The following ALMS1 variants were observed in gnomAD, a reference collection of about 807,000 sequenced individuals.
ALMS1 encodes centrosome-associated protein ALMS1.
In ALMS1, 271 loss-of-function variants were observed where a neutral mutation model predicts 352.2. The observed-to-expected ratio is 0.77, with a 90% CI of 0.70 to 0.85. The LOEUF is 0.85. ALMS1 is among the 40% of genes least tolerant of loss of function. The pLI, the probability that ALMS1 is intolerant of heterozygous loss-of-function variation, is 0.00. For missense variants in ALMS1, 5,445 were observed against 4,870.7 expected (o/e 1.12, Z -3.51); for synonymous variants, 1,865 against 1,761.2 (o/e 1.06, Z -1.48).
At chr2:73,420,381 A>C (rs1339180572) in intron 3 of ALMS1, among the ~76,000 whole-genome samples, 1 of 152,194 alleles carries the variant, frequency 6.6e-6, no homozygotes, top group African/African-American at 2.4e-5. Flanking sequence ...CCATCTGCTG[A>C]GAATGATTTT....
chr2:73,598,733 T>TA (rs1490192436), intron 16 of ALMS1, among the ~76,000 whole-genome samples: 5 of 152,246 alleles, frequency 3.3e-5, no homozygotes, highest in Non-Finnish European at 7.3e-5. Context: ...ACGATGGAGA[T>TA]ATTAACAATG....
chr2:73,563,747 T>A (rs113833313), intron 15 of ALMS1, among the ~76,000 whole-genome samples: 2,395 of 47,700 alleles, frequency 0.05, 373 homozygotes, highest in African/African-American at 0.34. Context: ...AAAATAAAAA[T>A]AAAAAATGAA....
At chr2:73,391,953 G>A (rs1670655420) in intron 1 of ALMS1, among the ~76,000 whole-genome samples, 1 of 151,706 alleles carries the variant, frequency 6.6e-6, no homozygotes, top group South Asian at 2.1e-4. Flanking sequence ...TAATTTTGGT[G>A]GTTTTCCTAG....
chr2:73,447,231 A>G (rs950243458), intron 7 of ALMS1, among the ~76,000 whole-genome samples: 1 of 152,198 alleles, frequency 6.6e-6, no homozygotes, highest in Admixed American at 6.5e-5. Context: ...TAGTGCAAAT[A>G]TAGAACATTT....
At position 73,600,558 on chromosome 2, in the gene ALMS1, A is replaced by T. The variant is rs1675654882; in HGVS notation, c.11669-120A>T. The T allele has an allele frequency of 6.4e-5, 58 of 908,948 alleles. No homozygotes were observed. In the South Asian group the frequency reaches 1.0e-3, roughly 16 times the overall value. The allele number at this position is 908,948 out of a possible 1,614,324, so 56.3% of individuals were successfully genotyped here. A position where few individuals can be genotyped will look rare whatever the true frequency, so the allele number is the denominator to read the frequency against. On this transcript the variant is annotated intron_variant, in intron 17 of 22. Transcript: ENST00000613296. Reference sequence around the variant, plus strand: ...TCTTCCTCTCTCTTCGCATCCCTCCATCCCACACAAAGGGATTGTATTTTT... The same window carrying T: ...TCTTCCTCTCTCTTCGCATCCCTCCTTCCCACACAAAGGGATTGTATTTTT...
At chr2:73,486,816 G>A (rs952092346) in intron 9 of ALMS1, among the ~76,000 whole-genome samples, 2 of 152,184 alleles carry the variant, frequency 1.3e-5, no homozygotes, top group Non-Finnish European at 2.9e-5. Context: ...TGGGGAGGCT[G>A]AGGCAGGAGG....
Position 73,510,970 on chromosome 2 carries a change from G to A in ALMS1, c.9540-8805G>A, listed in dbSNP as rs149400311. On this transcript the variant is annotated intron_variant, in intron 10 of 22. Coordinates refer to ENST00000613296, the MANE Select transcript of ALMS1 (RefSeq NM_001378454.1). ...CTTCACCCAGTTGGAAATTCCCAGCGGCTTTGTTTACACTGTGAGGGGAAA... is the reference window on the plus strand; with the variant it reads ...CTTCACCCAGTTGGAAATTCCCAGCAGCTTTGTTTACACTGTGAGGGGAAA... Among the ~76,000 whole-genome samples the A allele has an allele frequency of 1.2e-3, 184 of 152,280 alleles. No individual in the cohort carries two copies. The East Asian group carries it at 0.014, about 12-fold the overall frequency.
rs148288798 is a variant in ALMS1 at position 73,504,864 on chromosome 2, A to G, written c.9539+13366A>G. ...TCATCTACATTACGTATTTCTCCTAATGTTATCTCTCCCCTTGCTTCCTAC... is the reference window on the plus strand; with the variant it reads ...TCATCTACATTACGTATTTCTCCTAGTGTTATCTCTCCCCTTGCTTCCTAC... On this transcript the variant is annotated intron_variant, in intron 10 of 22. Transcript: ENST00000613296. 2.6e-4 allele frequency among the ~76,000 whole-genome samples: 40 copies of G among 152,110 alleles called. 1 individual carries two copies. The highest frequency in any genetic ancestry group is 9.6e-4 in the African/African-American group (40 of 41,480).
intron 16 of ALMS1, among the ~76,000 whole-genome samples, chr2:73,588,174 G>T (rs577412459): frequency 1.3e-5 from 2 of 152,288 alleles, no homozygotes; most frequent in Middle Eastern, 3.4e-3. Context: ...TGTGAAACCA[G>T]TATCACCCTA....
At chr2:73,392,060 T>G (rs1268089287) in intron 1 of ALMS1, among the ~76,000 whole-genome samples, 1 of 152,152 alleles carries the variant, frequency 6.6e-6, no homozygotes, top group Non-Finnish European at 1.5e-5. Context: ...TATTTTCACT[T>G]CTCATTCCCA....
At chr2:73,539,576 C>T (rs563276622) in intron 12 of ALMS1, among the ~76,000 whole-genome samples, 257 of 152,166 alleles carry the variant, frequency 1.7e-3, no homozygotes, top group African/African-American at 5.8e-3. Context: ...CAAACTACTC[C>T]GAGCTAAAGG....
intron 11 of ALMS1, among the ~76,000 whole-genome samples, chr2:73,532,609 A>G (rs1165496185): frequency 6.6e-6 from 1 of 151,112 alleles, no homozygotes; most frequent in African/African-American, 2.4e-5. Flanking sequence ...TAGGCCTGGA[A>G]CTCTCACTTC....
At position 73,419,290 on chromosome 2, in the gene ALMS1, C is replaced by G; in HGVS notation, c.618C>G (p.Asn206Lys). 2 of 1,614,040 alleles carry G rather than the reference C, an allele frequency of 1.2e-6. No homozygotes were observed. Among genetic ancestry groups the G allele is most frequent in the Non-Finnish European group, 1.7e-6 (2 of 1,179,942 alleles). The change falls in exon 3 of 23, where the codon AAC becomes AAG. Residue 206 changes from asparagine to lysine, a missense_variant. By Grantham distance (94) the Asn-to-Lys change is moderately conservative. Transcript: ENST00000613296. ...CAGAAAATCAAGTAAAGGAACCCAA[C>G]AGAGATCTCTTCTGTTCTCCACTGC... ...TQSENQVKEP[N>K]RDLFCSPLLV...
chr2:73,530,502 C>T (rs967917666), intron 11 of ALMS1, among the ~76,000 whole-genome samples: 22 of 152,244 alleles, frequency 1.4e-4, no homozygotes, highest in African/African-American at 5.1e-4. Flanking sequence ...GCTCCCACAG[C>T]TACTGTCATG....
At chr2:73,508,135 C>T (rs1673373016) in intron 10 of ALMS1, among the ~76,000 whole-genome samples, 1 of 147,786 alleles carries the variant, frequency 6.8e-6, no homozygotes, top group Non-Finnish European at 1.5e-5. Flanking sequence ...CCTTTCCTTT[C>T]CCTTTCCCTT....
Position 73,550,325 on chromosome 2 carries a change from T to A in ALMS1, c.9966T>A (p.Asp3322Glu). The change falls in exon 13 of 23, where the codon GAT becomes GAA. Residue 3322 changes from aspartate (D) to glutamate (E), a missense_variant. By Grantham distance (45) the Asp-to-Glu change is conservative. Coordinates refer to ENST00000613296, the MANE Select transcript of ALMS1 (RefSeq NM_001378454.1). ...FPAQVLGTRD[D>E]DLSATVNIKH... ...CTCAGGTGCTAGGCACAAGAGATGA[T>A]GACCTCTCAGCCACTGTTAACATTA... The A allele has an allele frequency of 6.2e-7, 1 of 1,614,196 alleles. No individual in the cohort carries two copies. Among genetic ancestry groups the A allele is most frequent in the Non-Finnish European group, 8.5e-7 (1 of 1,180,020 alleles).
Position 73,573,698 on chromosome 2 carries a change from T to A in ALMS1, c.11547+274T>A, listed in dbSNP as rs1206386332. On this transcript the variant is annotated intron_variant, in intron 16 of 22. Transcript: ENST00000613296. ...AGTTTACCCCTGAAATGGGGGAGCT[T>A]TGAGGTTAGAATGATCTCTATCCTG... 8.2e-6 allele frequency: 5 copies of A among 607,210 alleles called. No homozygotes were observed. The East Asian group carries it at 1.4e-4, about 17-fold the overall frequency. The allele number at this position is 607,210 out of a possible 1,614,324, so 37.6% of individuals were successfully genotyped here.
chr2:73,426,947 C>A (rs1671393096), intron 6 of ALMS1, among the ~76,000 whole-genome samples: 1 of 152,160 alleles, frequency 6.6e-6, no homozygotes, highest in Non-Finnish European at 1.5e-5. Flanking sequence ...TGTTCTTCAT[C>A]TGATATCCAG....
chr2:73,431,765 C>T (rs1282494794), intron 6 of ALMS1, among the ~76,000 whole-genome samples: 2 of 151,894 alleles, frequency 1.3e-5, no homozygotes. Context: ...TTTCTTTTTC[C>T]TTCTTACTGT....
Sources: gnomAD v4.1 joint callset for allele counts (sites outside exome capture counted in the v4.1 genomes callset) on GRCh38, gnomAD v4.1.1 for gene constraint, MANE v1.5 for transcripts, NCBI Gene and HGNC (gene_info 2026-07-23, HGNC 2026-07-21) for gene names.